Variants in GRM7 observed in about 807,000 individuals in gnomAD.
GRM7 encodes metabotropic glutamate receptor 7.
A neutral mutation model predicts 84.5 loss-of-function variants in GRM7; 35 were observed. The ratio of observed to expected loss-of-function variants is 0.41; its 90% CI spans 0.32 to 0.55. GRM7 has a LOEUF of 0.55. Among genes scored for constraint, GRM7 ranks in the 20% least tolerant of loss-of-function variants. The pLI is 0.19. For missense variants in GRM7, 1,003 were observed against 1,194.6 expected, an observed-to-expected ratio of 0.84 and a Z score of 2.36; for synonymous variants, 487 against 455.1, an observed-to-expected ratio of 1.07 and a Z score of -0.89.
At chr3:6,902,229 A>G (rs1276855041) in intron 1 of GRM7, among the ~76,000 whole-genome samples, 2 of 152,192 alleles carry the variant, frequency 1.3e-5, no homozygotes, top group Admixed American at 1.3e-4. Flanking sequence ...CTTCAGGTCC[A>G]CAGAAATTTG....
intron 4 of GRM7, among the ~76,000 whole-genome samples, chr3:7,398,209 A>C (rs1417647229): frequency 6.6e-6 from 1 of 152,202 alleles, no homozygotes; most frequent in Admixed American, 6.5e-5. Context: ...AATATGGCTC[A>C]GAATTGCTTC....
chr3:7,270,932 T>G (rs181087621), intron 2 of GRM7, among the ~76,000 whole-genome samples: 22 of 152,290 alleles, frequency 1.4e-4, no homozygotes, highest in African/African-American at 5.3e-4. Context: ...GCTGGTGTTA[T>G]CTCAACAATG....
At chr3:7,268,940 T>C (rs568633088) in intron 2 of GRM7, among the ~76,000 whole-genome samples, 79 of 152,292 alleles carry the variant, frequency 5.2e-4, no homozygotes, top group Admixed American at 8.5e-4. Flanking sequence ...TTAACAGATA[T>C]AGAATTGTTT....
intron 1 of GRM7, among the ~76,000 whole-genome samples, chr3:7,099,523 T>G (rs191864031): frequency 8.8e-5 from 13 of 147,602 alleles, no homozygotes; most frequent in African/African-American, 3.0e-4. Context: ...TATGTATATG[T>G]ACACGCATTA....
At chr3:7,685,643 G>A (rs1426851713) in intron 9 of GRM7, among the ~76,000 whole-genome samples, 2 of 152,058 alleles carry the variant, frequency 1.3e-5, no homozygotes, top group African/African-American at 2.4e-5. Flanking sequence ...AATAAGATAT[G>A]GAATTGTATT....
chr3:6,891,960 C>T (rs1296199238), intron 1 of GRM7, among the ~76,000 whole-genome samples: 1 of 152,072 alleles, frequency 6.6e-6, no homozygotes, highest in Non-Finnish European at 1.5e-5. Flanking sequence ...GTAAACTTCC[C>T]TTCTCGCTTC....
intron 1 of GRM7, among the ~76,000 whole-genome samples, chr3:6,925,010 A>G (rs1248175111): frequency 1.3e-5 from 2 of 152,174 alleles, no homozygotes; most frequent in Admixed American, 1.3e-4. Flanking sequence ...GGCTTCTTAT[A>G]TGGTAGAAGT....
chr3:7,507,601 A>G (rs576346681), intron 7 of GRM7, among the ~76,000 whole-genome samples: 21 of 152,312 alleles, frequency 1.4e-4, no homozygotes, highest in Admixed American at 2.6e-4. Context: ...GCATAGTCCA[A>G]TTTTAGAACA....
intron 1 of GRM7, among the ~76,000 whole-genome samples, chr3:6,989,269 T>A (rs1366582890): frequency 6.6e-6 from 1 of 152,218 alleles, no homozygotes; most frequent in African/African-American, 2.4e-5. Context: ...TTTATGTATG[T>A]CAACACTTTA....
At chr3:7,520,858 T>C (rs764032620) in intron 7 of GRM7, among the ~76,000 whole-genome samples, 4 of 152,204 alleles carry the variant, frequency 2.6e-5, no homozygotes, top group Non-Finnish European at 5.9e-5. Context: ...TGACACTTCA[T>C]TGTGAAGGCA....
At position 7,699,891 on chromosome 3, in the gene GRM7, G is replaced by A. The variant is rs571358495; in HGVS notation, c.2698+19596G>A. Among the ~76,000 whole-genome samples, 5 of 152,246 alleles carry A rather than the reference G, an allele frequency of 3.3e-5. No individual in the cohort carries two copies. In the South Asian group the frequency reaches 6.2e-4, roughly 19 times the overall value. ...AGCCAGTCTAGGGTCAGAGTTACAG[G>A]CTCTGGAGTTGGACCTGGCATAACT... is the stretch of plus-strand genomic sequence containing the variant. On this transcript the variant is annotated intron_variant, in intron 9 of 9. Coordinates refer to ENST00000357716, the MANE Select transcript of GRM7 (RefSeq NM_000844.4).
intron 5 of GRM7, among the ~76,000 whole-genome samples, chr3:7,433,403 C>T (rs1284064817): frequency 6.6e-6 from 1 of 152,204 alleles, no homozygotes; most frequent in Non-Finnish European, 1.5e-5. Flanking sequence ...CATACCACCT[C>T]TTGTGGGATG....
intron 2 of GRM7, among the ~76,000 whole-genome samples, chr3:7,163,720 A>G (rs1380557687): frequency 6.6e-6 from 1 of 152,226 alleles, no homozygotes; most frequent in Non-Finnish European, 1.5e-5. Flanking sequence ...AACTATGTGA[A>G]GAACTGGGAG....
intron 4 of GRM7, among the ~76,000 whole-genome samples, chr3:7,373,502 T>C (rs1694222379): frequency 6.6e-6 from 1 of 152,234 alleles, no homozygotes; most frequent in Non-Finnish European, 1.5e-5. Flanking sequence ...CCAGTTTGTA[T>C]TAAACTACAT....
intron 8 of GRM7, among the ~76,000 whole-genome samples, chr3:7,611,101 T>G (rs567586617): frequency 6.6e-6 from 1 of 152,290 alleles, no homozygotes; most frequent in South Asian, 2.1e-4. Context: ...CTAATGTATA[T>G]GAGTATTTCA....
At chr3:7,242,257 T>C (rs533307685) in intron 2 of GRM7, among the ~76,000 whole-genome samples, 13 of 152,330 alleles carry the variant, frequency 8.5e-5, no homozygotes, top group Non-Finnish European at 1.8e-4. Context: ...GCCGATGGAT[T>C]CATAATACGG....
chr3:6,986,129 T>C (rs60446073), intron 1 of GRM7, among the ~76,000 whole-genome samples: 3,055 of 152,252 alleles, frequency 0.02, 104 homozygotes, highest in African/African-American at 0.069. Context: ...ATAGTAGCTA[T>C]TCTTAGTAAC....
At chr3:7,727,155 C>G (rs1033574326) in intron 9 of GRM7, among the ~76,000 whole-genome samples, 1 of 152,094 alleles carries the variant, frequency 6.6e-6, no homozygotes, top group East Asian at 1.9e-4. Flanking sequence ...GCTCCATAAT[C>G]TTAATCATCA....
At chr3:7,021,905 G>A (rs978714295) in intron 1 of GRM7, among the ~76,000 whole-genome samples, 11 of 152,148 alleles carry the variant, frequency 7.2e-5, no homozygotes, top group Non-Finnish European at 7.4e-5. Flanking sequence ...GACACTTGGT[G>A]TGAAAATGTT....
Sources: gnomAD v4.1 joint callset for allele counts (sites outside exome capture counted in the v4.1 genomes callset) on GRCh38, gnomAD v4.1.1 for gene constraint, MANE v1.5 for transcripts, NCBI Gene and HGNC (gene_info 2026-07-23, HGNC 2026-07-21) for gene names.